Variants in APBA2 observed in about 807,000 individuals in gnomAD.
The protein encoded by APBA2 is amyloid-beta A4 precursor protein-binding family A member 2.
A neutral mutation model predicts 75.0 loss-of-function variants in APBA2; 30 were observed. The observed-to-expected ratio is 0.40, with a 90% CI of 0.30 to 0.54. The LOEUF (loss-of-function observed/expected upper bound fraction) is 0.54, where lower values mean the gene tolerates loss of function less well. Ranked by LOEUF, APBA2 falls within the 20% of genes least tolerant of loss-of-function variation. The probability of loss-of-function intolerance (pLI) is 0.49; values close to 1 mark genes in which losing one functional copy is unlikely to be tolerated. For synonymous variants in APBA2, 444 were observed against 409.6 expected, an observed-to-expected ratio of 1.08 and a Z score of -1.01; for missense variants, 801 against 1,016.1, an observed-to-expected ratio of 0.79 and a Z score of 2.88.
At chr15:29,036,731 G>A (rs987734483) in intron 3 of APBA2, among the ~76,000 whole-genome samples, 2 of 152,208 alleles carry the variant, frequency 1.3e-5, no homozygotes, top group Non-Finnish European at 2.9e-5. Flanking sequence ...GAGTTGTGCA[G>A]TAAGTAGACC....
At chr15:28,982,729 A>T (rs1274271554) in intron 2 of APBA2, among the ~76,000 whole-genome samples, 1 of 152,254 alleles carries the variant, frequency 6.6e-6, no homozygotes, top group Non-Finnish European at 1.5e-5. Context: ...GACTAGGAAG[A>T]GGCATTGGAC....
intron 2 of APBA2, among the ~76,000 whole-genome samples, chr15:28,924,092 C>T (rs547759673): frequency 7.3e-4 from 111 of 152,312 alleles, no homozygotes; most frequent in African/African-American, 2.5e-3. Context: ...GTGACAGTGT[C>T]CCACGAGGAC....
intron 2 of APBA2, among the ~76,000 whole-genome samples, chr15:28,929,269 A>G (rs559744963): frequency 4.6e-5 from 7 of 152,272 alleles, no homozygotes; most frequent in African/African-American, 1.7e-4. Context: ...CCTTGCACCC[A>G]CAAGACAGCC....
intron 4 of APBA2, 143 bp from the exon 5 acceptor site, chr15:29,074,773 ATAATT>A: frequency 1.5e-6 from 1 of 668,764 alleles, no homozygotes. Flanking sequence ...CAGTTTAAGT[ATAATT>A]AAATAGACGT....
At chr15:28,917,731 C>T (rs2033750595) in intron 1 of APBA2, among the ~76,000 whole-genome samples, 1 of 152,142 alleles carries the variant, frequency 6.6e-6, no homozygotes, top group South Asian at 2.1e-4. Flanking sequence ...TGAGTTTTGA[C>T]AAATGGGGAA....
chr15:29,045,226 A>G (rs934007665), intron 3 of APBA2, among the ~76,000 whole-genome samples: 1 of 148,258 alleles, frequency 6.7e-6, no homozygotes, highest in Non-Finnish European at 1.5e-5. Context: ...TTACAGGTGC[A>G]CGCCACCATG....
At chr15:29,112,777 C>T (rs966557764) in intron 13 of APBA2, among the ~76,000 whole-genome samples, 6 of 152,196 alleles carry the variant, frequency 3.9e-5, no homozygotes, top group African/African-American at 1.4e-4. Context: ...ATCTGCATGT[C>T]AGGCAGCCAT....
chr15:28,922,538 A>C (rs2034027515), intron 2 of APBA2, among the ~76,000 whole-genome samples: 2 of 152,248 alleles, frequency 1.3e-5, no homozygotes, highest in South Asian at 4.2e-4. Context: ...GGAATATCTC[A>C]GTGCAGTGCA....
In APBA2 at chr15:29,076,749, T is replaced by C. The variant is rs867854876; in HGVS notation, c.1069+658T>C. 2.6e-5 allele frequency among the ~76,000 whole-genome samples: 4 copies of C among 152,348 alleles called. No individual in the cohort carries two copies. The South Asian group carries it at 8.3e-4, about 32-fold the overall frequency. ...GTTTCCTGCCCCTGCTAATGTGTTA[T>C]AATAAACAATGTGAATTTCATTAAT... On this transcript the variant is annotated intron_variant, in intron 6 of 14. Transcript: ENST00000683413.
At chr15:29,044,933 G>A (rs899868099) in intron 3 of APBA2, among the ~76,000 whole-genome samples, 1 of 152,158 alleles carries the variant, frequency 6.6e-6, no homozygotes, top group Non-Finnish European at 1.5e-5. Flanking sequence ...GTCTGCTGAG[G>A]TCTGTCTGCT....
chr15:28,955,526 A>ACAT (rs754756864), intron 2 of APBA2, among the ~76,000 whole-genome samples: 41 of 152,232 alleles, frequency 2.7e-4, no homozygotes, highest in Non-Finnish European at 5.0e-4. Context: ...CCCAGGAGGA[A>ACAT]CATCAGCTCT....
chr15:28,944,486 C>T (rs1430861542), intron 2 of APBA2, among the ~76,000 whole-genome samples: 2 of 152,238 alleles, frequency 1.3e-5, no homozygotes, highest in Admixed American at 1.3e-4. Context: ...GGACACCTTC[C>T]CAGGCTGGGT....
chr15:29,107,562 C>T (rs2044490771), intron 12 of APBA2, among the ~76,000 whole-genome samples: 1 of 152,198 alleles, frequency 6.6e-6, no homozygotes, highest in South Asian at 2.1e-4. Context: ...CCAGAGCATC[C>T]CATAGACTGG....
At chr15:29,042,336 G>T (rs543699750) in intron 3 of APBA2, among the ~76,000 whole-genome samples, 86 of 152,062 alleles carry the variant, frequency 5.7e-4, no homozygotes, top group African/African-American at 1.9e-3. Context: ...GCAGTGGCCC[G>T]ATCTCAGCTC....
rs398043111 is a variant in APBA2, at chr15:28,940,356, C to CAAAAAAAAAA, written c.-95+18629_-95+18638dup. ...TGAAACCCCGTCTCTACTAAAAATA[C>CAAAAAAAAAA]AAAAAAAAAAAAAAAAAAAAAAAAA... On this transcript the variant is annotated intron_variant, in intron 2 of 14. Coordinates refer to ENST00000683413, the MANE Select transcript of APBA2 (RefSeq NM_001353788.2). 6.0e-3 allele frequency among the ~76,000 whole-genome samples: 232 copies of CAAAAAAAAAA among 38,440 alleles called. 1 individual carries two copies. Among genetic ancestry groups the CAAAAAAAAAA allele is most frequent in the Middle Eastern group, 0.036 (1 of 28 alleles). The allele number at this position is 38,440 out of a possible 152,430, so 25.2% of individuals were successfully genotyped here.
At chr15:28,955,448 T>G (rs1273375100) in intron 2 of APBA2, among the ~76,000 whole-genome samples, 1 of 152,164 alleles carries the variant, frequency 6.6e-6, no homozygotes, top group Non-Finnish European at 1.5e-5. Context: ...CTGATTCCCA[T>G]CCTGTGGCTT....
chr15:29,037,236 A>T (rs930968735), intron 3 of APBA2, among the ~76,000 whole-genome samples: 4 of 152,144 alleles, frequency 2.6e-5, no homozygotes, highest in Non-Finnish European at 5.9e-5. Flanking sequence ...TTTGAATTTC[A>T]TGTTTACCCT....
At chr15:28,915,960 C>T (rs2033671514) in intron 1 of APBA2, among the ~76,000 whole-genome samples, 1 of 152,168 alleles carries the variant, frequency 6.6e-6, no homozygotes, top group Admixed American at 6.5e-5. Flanking sequence ...CACCACATCA[C>T]ATACTCTGTA....
At chr15:29,109,481 C>T (rs1438873041) in intron 13 of APBA2, among the ~76,000 whole-genome samples, 2 of 152,216 alleles carry the variant, frequency 1.3e-5, no homozygotes, top group Non-Finnish European at 2.9e-5. Context: ...ACTCAGGGGC[C>T]CAGGCTCTGC....
Sources: gnomAD v4.1 joint callset for allele counts (sites outside exome capture counted in the v4.1 genomes callset) on GRCh38, gnomAD v4.1.1 for gene constraint, MANE v1.5 for transcripts, NCBI Gene and HGNC (gene_info 2026-07-23, HGNC 2026-07-21) for gene names.